PCBP3: variants seen among roughly 807,000 people sequenced by gnomAD.
The protein encoded by PCBP3 is poly(rC)-binding protein 3.
A neutral mutation model predicts 52.7 loss-of-function variants in PCBP3; 25 were observed. The observed-to-expected ratio is 0.47, with a 90% CI of 0.35 to 0.66. The LOEUF is 0.66. Among genes scored for constraint, PCBP3 ranks in the 30% least tolerant of loss-of-function variants. The pLI, the probability that PCBP3 is intolerant of heterozygous loss-of-function variation, is 0.01. For synonymous variants in PCBP3, 162 were observed against 183.0 expected (o/e 0.89, Z 0.93); for missense variants, 391 against 490.3 (o/e 0.80, Z 1.91).
chr21:45,862,509 C>T (rs11911278), intron 5 of PCBP3, among the ~76,000 whole-genome samples: 2,496 of 152,264 alleles, frequency 0.016, 83 homozygotes, highest in African/African-American at 0.057. Context: ...ACATATCAAC[C>T]GTGGTCCTTC....
intron 5 of PCBP3, among the ~76,000 whole-genome samples, chr21:45,876,171 A>T (rs925350388): frequency 5.9e-5 from 9 of 152,228 alleles, no homozygotes; most frequent in African/African-American, 2.2e-4. Flanking sequence ...TAGGCAGGCG[A>T]GTCCACGTGC....
chr21:45,752,211 C>T (rs2087580213), intron 3 of PCBP3, among the ~76,000 whole-genome samples: 1 of 152,008 alleles, frequency 6.6e-6, no homozygotes, highest in Non-Finnish European at 1.5e-5. Context: ...GGAAATTACT[C>T]ATGTTTTATT....
chr21:45,931,525 G>C (rs1748660102), intron 15 of PCBP3, among the ~76,000 whole-genome samples: 1 of 152,262 alleles, frequency 6.6e-6, no homozygotes, highest in African/African-American at 2.4e-5. Context: ...TTTGAATGCT[G>C]CGGCCAGGAG....
Position 45,704,329 on chromosome 21 carries a change from A to C in PCBP3, c.-199-31063A>C, listed in dbSNP as rs1354913212. Among the ~76,000 whole-genome samples, 1 of 152,134 alleles carries C rather than the reference A, an allele frequency of 6.6e-6. No individual in the cohort carries two copies. The highest frequency in any genetic ancestry group is 2.4e-5 in the African/African-American group (1 of 41,424). ...CCTCAGGAATGAGGGGAGTTGACAT[A>C]GTTTGTCTGCAGAAAGGAGTAAGGA... is the stretch of plus-strand genomic sequence containing the variant. On this transcript the variant is annotated intron_variant, in intron 2 of 17. Transcript: ENST00000681687. The surrounding 1 kb of genome is among the most constrained non-coding windows in gnomAD (Gnocchi z 4.1).
At chr21:45,782,107 C>A (rs2090681915) in intron 4 of PCBP3, among the ~76,000 whole-genome samples, 1 of 152,004 alleles carries the variant, frequency 6.6e-6, no homozygotes, top group South Asian at 2.1e-4. Context: ...ATAACATTGT[C>A]CATAGTCTCA....
intron 1 of PCBP3, among the ~76,000 whole-genome samples, chr21:45,652,098 G>C (rs533910502): frequency 4.6e-5 from 7 of 151,986 alleles, no homozygotes; most frequent in Admixed American, 2.6e-4. Flanking sequence ...CCCTTTCTTT[G>C]TTCTCAGTCA....
chr21:45,804,636 C>T (rs1033867580), intron 4 of PCBP3, among the ~76,000 whole-genome samples: 7 of 152,144 alleles, frequency 4.6e-5, no homozygotes, highest in African/African-American at 1.7e-4. Flanking sequence ...GCTGCTTCCC[C>T]AGTCCCTGCT....
intron 5 of PCBP3, among the ~76,000 whole-genome samples, chr21:45,875,277 G>A (rs941575073): frequency 1.3e-5 from 2 of 152,016 alleles, no homozygotes; most frequent in Non-Finnish European, 2.9e-5. Flanking sequence ...ACTGGGGCTG[G>A]GGGCCCCTCC....
At chr21:45,923,921 T>A (rs1156907131) in intron 13 of PCBP3, among the ~76,000 whole-genome samples, 2 of 58,108 alleles carry the variant, frequency 3.4e-5, no homozygotes, top group Admixed American at 3.0e-4. Flanking sequence ...GTCGAGTGGG[T>A]AGAAACAGCA....
intron 9 of PCBP3, among the ~76,000 whole-genome samples, chr21:45,903,847 A>G (rs1205268622): frequency 6.6e-6 from 1 of 152,190 alleles, no homozygotes; most frequent in African/African-American, 2.4e-5. Flanking sequence ...GGCTGCCTCT[A>G]GAGGATCTCA....
chr21:45,886,920 C>T (rs1046962328), intron 5 of PCBP3, among the ~76,000 whole-genome samples: 14 of 152,218 alleles, frequency 9.2e-5, no homozygotes, highest in Admixed American at 7.2e-4. Flanking sequence ...AGGCTCTGTA[C>T]GCGGCCTTTG....
At chr21:45,913,666 C>G (rs550150595) in intron 11 of PCBP3, among the ~76,000 whole-genome samples, 5 of 152,156 alleles carry the variant, frequency 3.3e-5, no homozygotes, top group Non-Finnish European at 7.4e-5. Context: ...CAGGGATGTT[C>G]GGGGCAGGCG....
chr21:45,747,008 C>T (rs540734409), intron 3 of PCBP3, among the ~76,000 whole-genome samples: 1 of 152,178 alleles, frequency 6.6e-6, no homozygotes, highest in Non-Finnish European at 1.5e-5. Context: ...GTGTTGTCAG[C>T]ATCGCTGTGT....
intron 5 of PCBP3, among the ~76,000 whole-genome samples, chr21:45,870,414 AT>A (rs1296022484): frequency 6.6e-6 from 1 of 152,216 alleles, no homozygotes; most frequent in African/African-American, 2.4e-5. Flanking sequence ...TCCTAAAAAC[AT>A]TAATTCATGC....
At chr21:45,722,771 TGG>T (rs1297209411) in intron 2 of PCBP3, among the ~76,000 whole-genome samples, 15 of 151,598 alleles carry the variant, frequency 9.9e-5, no homozygotes, top group African/African-American at 3.6e-4. Context: ...GGAGGCCAAG[TGG>T]GGGTGGATCA....
At chr21:45,855,056 A>G (rs2094218047) in intron 5 of PCBP3, among the ~76,000 whole-genome samples, 1 of 152,146 alleles carries the variant, frequency 6.6e-6, no homozygotes. Flanking sequence ...CCTTATGGCG[A>G]CAATAGTGGT....
At chr21:45,775,289 G>A (rs1158555016) in intron 4 of PCBP3, among the ~76,000 whole-genome samples, 1 of 148,914 alleles carries the variant, frequency 6.7e-6, no homozygotes, top group Non-Finnish European at 1.5e-5. Context: ...TTTCTAGTTT[G>A]TGAGTATATA....
chr21:45,776,653 G>A (rs185208091), intron 4 of PCBP3, among the ~76,000 whole-genome samples: 1 of 152,056 alleles, frequency 6.6e-6, no homozygotes, highest in South Asian at 2.1e-4. Flanking sequence ...TTGACTTAAA[G>A]TCTATTTTAT....
chr21:45,921,298 A>G (rs1484516820), intron 13 of PCBP3, among the ~76,000 whole-genome samples: 1 of 152,248 alleles, frequency 6.6e-6, no homozygotes, highest in African/African-American at 2.4e-5. Flanking sequence ...AAGTTTATTT[A>G]TACCACAGTG....
Sources: allele counts gnomAD v4.1 joint callset (sites outside exome capture counted in the v4.1 genomes callset), GRCh38; gene constraint gnomAD v4.1.1; non-coding constraint Gnocchi (gnomAD v3.1); transcripts MANE v1.5; gene names NCBI Gene and HGNC (gene_info 2026-07-23, HGNC 2026-07-21).